The following DGKB variants were observed in gnomAD, a reference collection of about 807,000 sequenced individuals.
DGKB encodes diacylglycerol kinase beta.
In DGKB, 67 loss-of-function variants were observed where a neutral mutation model predicts 114.3. That is an observed-to-expected ratio of 0.59 (90% CI 0.48 to 0.72). DGKB has a LOEUF of 0.72. Ranked by LOEUF, DGKB falls within the 30% of genes least tolerant of loss-of-function variation. DGKB has a pLI of 0.00. For missense variants in DGKB, 907 were observed against 975.2 expected (o/e 0.93, Z 0.93); for synonymous variants, 398 against 323.1 (o/e 1.23, Z -2.49).
intron 2 of DGKB, among the ~76,000 whole-genome samples, chr7:14,769,071 A>G (rs1233919532): frequency 2.9e-5 from 1 of 34,002 alleles, no homozygotes; most frequent in Non-Finnish European, 5.8e-5. Flanking sequence ...TTTTAAAGAT[A>G]AGAAAGAAAG....
At chr7:14,399,831 T>C (rs185455749) in intron 21 of DGKB, among the ~76,000 whole-genome samples, 1 of 151,974 alleles carries the variant, frequency 6.6e-6, no homozygotes, top group Admixed American at 6.6e-5. Context: ...TTCTGAAGCC[T>C]TTGAATCTAA....
At chr7:14,291,864 A>G (rs1801826571) in intron 23 of DGKB, among the ~76,000 whole-genome samples, 1 of 152,148 alleles carries the variant, frequency 6.6e-6, no homozygotes, top group African/African-American at 2.4e-5. Context: ...CATCAGCTCT[A>G]GTTGTCATTT....
intron 23 of DGKB, among the ~76,000 whole-genome samples, chr7:14,237,385 GT>G (rs1792963458): frequency 6.6e-6 from 1 of 151,310 alleles, no homozygotes. Context: ...TCTGGTTTGT[GT>G]ATTGTCCTTT....
At chr7:14,563,269 T>G (rs978722483) in intron 20 of DGKB, among the ~76,000 whole-genome samples, 1 of 152,204 alleles carries the variant, frequency 6.6e-6, no homozygotes, top group African/African-American at 2.4e-5. Flanking sequence ...ATTAGCGGCA[T>G]GAGAACAGAG....
intron 7 of DGKB, among the ~76,000 whole-genome samples, chr7:14,698,736 T>G (rs186727718): frequency 6.6e-6 from 1 of 152,268 alleles, no homozygotes; most frequent in Non-Finnish European, 1.5e-5. Context: ...TCCATATTAT[T>G]CTGCTCAATT....
At chr7:14,488,861 CCCAA>C (rs1426670694) in intron 20 of DGKB, among the ~76,000 whole-genome samples, 2 of 96,548 alleles carry the variant, frequency 2.1e-5, no homozygotes, top group Admixed American at 9.7e-5. Context: ...ACAAAAAAAA[CCCAA>C]CAACAACAAC....
chr7:14,379,488 C>T (rs75953369), intron 21 of DGKB, among the ~76,000 whole-genome samples: 2,738 of 151,368 alleles, frequency 0.018, 58 homozygotes, highest in South Asian at 0.1. Context: ...GAGTGGGGAG[C>T]GCTCTGACTA....
chr7:14,904,763 G>T (rs903016585), upstream of DGKB, among the ~76,000 whole-genome samples: 1 of 152,018 alleles, frequency 6.6e-6, no homozygotes, highest in African/African-American at 2.4e-5. Context: ...CTCTTCATTT[G>T]TTGTCTGTCC....
chr7:14,478,282 G>A, intron 20 of DGKB, 57 bp from the exon 21 acceptor site: 2 of 977,514 alleles, frequency 2.0e-6, no homozygotes, highest in South Asian at 1.9e-5. Flanking sequence ...ATTATTTTAT[G>A]AAAATGTAGA....
intron 1 of DGKB, among the ~76,000 whole-genome samples, chr7:14,873,786 G>C (rs1345032515): frequency 6.6e-6 from 1 of 151,896 alleles, no homozygotes. Flanking sequence ...ATTGCCAAAA[G>C]TCTGAATTAA....
chr7:14,813,460 C>G (rs912268156), intron 2 of DGKB, among the ~76,000 whole-genome samples: 2 of 152,102 alleles, frequency 1.3e-5, no homozygotes, highest in African/African-American at 4.8e-5. Context: ...CTGAGAGCCA[C>G]CAGAATTGAT....
intron 23 of DGKB, among the ~76,000 whole-genome samples, chr7:14,222,475 T>C (rs1340309791): frequency 6.6e-6 from 1 of 151,412 alleles, no homozygotes; most frequent in Non-Finnish European, 1.5e-5. Context: ...GATTTCTAAT[T>C]TTATTCCATT....
chr7:14,169,005 C>A (rs989093086), intron 25 of DGKB, among the ~76,000 whole-genome samples: 2 of 152,026 alleles, frequency 1.3e-5, no homozygotes, highest in African/African-American at 2.4e-5. Flanking sequence ...GGCAATCTGA[C>A]TAAAAGGGGA....
chr7:14,665,990 G>T (rs1480267420), intron 13 of DGKB, among the ~76,000 whole-genome samples: 2 of 151,908 alleles, frequency 1.3e-5, no homozygotes, highest in Non-Finnish European at 2.9e-5. Context: ...AGCCATTGCA[G>T]AGAAACAGAA....
At chr7:14,839,464 G>C (rs1586835419) in intron 2 of DGKB, among the ~76,000 whole-genome samples, 1 of 148,724 alleles carries the variant, frequency 6.7e-6, no homozygotes, top group African/African-American at 2.5e-5. Flanking sequence ...GAGTGCAGTG[G>C]CACAATGGCT....
At chr7:14,609,351 G>T (rs1364266633) in intron 16 of DGKB, among the ~76,000 whole-genome samples, 2 of 152,072 alleles carry the variant, frequency 1.3e-5, no homozygotes, top group African/African-American at 2.4e-5. Context: ...GCAGAAAAAT[G>T]AAACTGGACT....
chr7:14,958,667 A>G (rs1394850548), intron 1 of DGKB, among the ~76,000 whole-genome samples: 1 of 151,996 alleles, frequency 6.6e-6, no homozygotes, highest in East Asian at 1.9e-4. Flanking sequence ...TGTTTGTGGC[A>G]TATGACTGCG....
intron 2 of DGKB, among the ~76,000 whole-genome samples, chr7:14,778,042 G>A (rs1050190838): frequency 9.9e-5 from 15 of 152,204 alleles, no homozygotes; most frequent in South Asian, 6.2e-4. Flanking sequence ...TCATATCACC[G>A]TGAATTAATT....
chr7:14,264,435 T>C (rs1797206898), intron 23 of DGKB, among the ~76,000 whole-genome samples: 1 of 152,166 alleles, frequency 6.6e-6, no homozygotes. Flanking sequence ...TCTGTTGCTT[T>C]GTTTTTTTAG....
Sources: gnomAD v4.1 joint callset for allele counts (sites outside exome capture counted in the v4.1 genomes callset) on GRCh38, gnomAD v4.1.1 for gene constraint, MANE v1.5 for transcripts, NCBI Gene and HGNC (gene_info 2026-07-23, HGNC 2026-07-21) for gene names.